OPA1: variants seen among roughly 807,000 people sequenced by gnomAD.
OPA1 encodes the protein OPA1 mitochondrial dynamin like GTPase.
Under a neutral mutation model 152.9 loss-of-function variants are expected in OPA1, and 59 were observed. That is an observed-to-expected ratio of 0.39 (90% CI 0.31 to 0.48). The LOEUF is 0.48. Among genes scored for constraint, OPA1 ranks in the 20% least tolerant of loss-of-function variants. The pLI is 0.96. For synonymous variants in OPA1, 400 were observed against 389.9 expected (o/e 1.03, Z -0.31); for missense variants, 1,008 against 1,216.8 (o/e 0.83, Z 2.55).
At chr3:193,654,798 T>G in intron 21 of OPA1, 64 bp from the exon 22 acceptor site, 1 of 1,514,108 alleles carries the variant, frequency 6.6e-7, no homozygotes, top group Non-Finnish European at 9.1e-7. Flanking sequence ...GATACTTCAG[T>G]CAAGCTGTTT....
intron 21 of OPA1, among the ~76,000 whole-genome samples, chr3:193,651,838 G>A (rs1238213660): frequency 6.6e-6 from 1 of 151,802 alleles, no homozygotes; most frequent in Non-Finnish European, 1.5e-5. Flanking sequence ...GAGGAACTAT[G>A]GGGTACTTCT....
chr3:193,617,677 CA>C (rs1729275760), intron 4 of OPA1, 106 bp from the exon 5 acceptor site: 2 of 822,266 alleles, frequency 2.4e-6, no homozygotes, highest in African/African-American at 1.7e-5. Context: ...CATATTTGCC[CA>C]ATTATTGCCC....
At position 193,642,808 on chromosome 3, in the gene OPA1, A is replaced by C. The variant is rs756981921; in HGVS notation, c.1193A>C (p.Asp398Ala). 27 of 1,613,678 alleles carry C rather than the reference A, an allele frequency of 1.7e-5. No individual in the cohort carries two copies. The highest frequency in any genetic ancestry group is 3.3e-4 in the Middle Eastern group (2 of 6,082). ...CCTCACCATGTGGCCCTATTTAAAG[A>C]TAGTTCTCGGGAGTTTGATCTTACC... is the stretch of plus-strand genomic sequence containing the variant. ...EGPHHVALFK[D>A]SSREFDLTKE... The change falls in exon 12 of 31, where the codon GAT becomes GCT. Residue 398 changes from aspartate (D) to alanine (A), a missense_variant. Coordinates refer to ENST00000361510, the MANE Select transcript of OPA1 (RefSeq NM_130837.3).
intron 29 of OPA1, among the ~76,000 whole-genome samples, chr3:193,674,319 G>T (rs1159503001): frequency 1.3e-5 from 2 of 152,178 alleles, no homozygotes; most frequent in African/African-American, 4.8e-5. Flanking sequence ...GGCTATAGAT[G>T]AAAGTTTCTT....
At position 193,667,303 on chromosome 3, in the gene OPA1, T is replaced by C. The variant is rs77034068; in HGVS notation, c.2983+23T>C. On this transcript the variant is annotated intron_variant, in intron 29 of 30. Coordinates refer to ENST00000361510, the MANE Select transcript of OPA1 (RefSeq NM_130837.3). Reference sequence around the variant, plus strand: ...TCAGTGAGTAGTTCTTACTGCCCTCTACCTTACTACCTTTCCACCTTTCCC... The same window carrying C: ...TCAGTGAGTAGTTCTTACTGCCCTCCACCTTACTACCTTTCCACCTTTCCC... The C allele has an allele frequency of 7.8e-3, 7,550 of 964,962 alleles. 382 individuals are homozygous for C. In the African/African-American group the frequency reaches 0.11, roughly 14 times the overall value. 59.8% of individuals were successfully genotyped at this position (964,962 alleles called of 1,614,324 possible).
intron 30 of OPA1, among the ~76,000 whole-genome samples, chr3:193,693,122 G>C (rs186267525): frequency 3.9e-5 from 6 of 152,084 alleles, no homozygotes; most frequent in Admixed American, 2.0e-4. Flanking sequence ...AATGTAAAAG[G>C]TTCCCTCCCT....
rs904201580 is a variant in OPA1 at position 193,658,200 on chromosome 3, G to A, written c.2332-687G>A. On this transcript the variant is annotated intron_variant, in intron 23 of 30. Coordinates refer to ENST00000361510, the MANE Select transcript of OPA1 (RefSeq NM_130837.3). ...GGGGAGGTTGCGGTTAGCCGAGATC[G>A]TGCCATTGCACTCCAGCCAAGGCAA... 7.3e-5 allele frequency among the ~76,000 whole-genome samples: 11 copies of A among 149,942 alleles called. No homozygotes were observed. The South Asian group carries it at 8.4e-4, about 11-fold the overall frequency.
At position 193,644,119 on chromosome 3, in the gene OPA1, C is replaced by G; in HGVS notation, c.1608+14C>G. On this transcript the variant is annotated intron_variant, in intron 16 of 30. Transcript: ENST00000361510. ...AGTCCAAGCAGGGTGAGGTCAAATT[C>G]TTTGTTGCGAGAATAGATTCTTTGT... is the stretch of plus-strand genomic sequence containing the variant. 6.2e-7 allele frequency: 1 copy of G among 1,612,916 alleles called. No individual in the cohort carries two copies. Among genetic ancestry groups the G allele is most frequent in the Non-Finnish European group, 8.5e-7 (1 of 1,179,316 alleles).
At chr3:193,611,416 G>A (rs1728217850) in intron 1 of OPA1, among the ~76,000 whole-genome samples, 1 of 151,982 alleles carries the variant, frequency 6.6e-6, no homozygotes, top group Admixed American at 6.6e-5. Flanking sequence ...GGCTAAGATG[G>A]TGAAATCCCA....
chr3:193,595,869 T>C (rs963727111), intron 1 of OPA1, among the ~76,000 whole-genome samples: 1 of 152,208 alleles, frequency 6.6e-6, no homozygotes, highest in African/African-American at 2.4e-5. Flanking sequence ...TGATATGTTA[T>C]GTCCGTGATT....
At chr3:193,686,298 T>C (rs898685235) in intron 29 of OPA1, among the ~76,000 whole-genome samples, 12 of 152,226 alleles carry the variant, frequency 7.9e-5, no homozygotes, top group African/African-American at 2.9e-4. Flanking sequence ...TCTGGGAACC[T>C]CAGCTTTCAA....
At chr3:193,636,237 A>G (rs1406494711) in intron 9 of OPA1, among the ~76,000 whole-genome samples, 2 of 151,894 alleles carry the variant, frequency 1.3e-5, no homozygotes, top group Non-Finnish European at 2.9e-5. Context: ...AGCTTTGACT[A>G]TAAATCATGA....
Position 193,652,426 on chromosome 3 carries a change from A to T in OPA1, c.2013-2436A>T, listed in dbSNP as rs535713619. Among the ~76,000 whole-genome samples the T allele has an allele frequency of 3.8e-4, 58 of 151,986 alleles. 1 individual carries two copies. The highest frequency in any genetic ancestry group is 1.8e-3 in the Admixed American group (28 of 15,270). On this transcript the variant is annotated intron_variant, in intron 21 of 30. Transcript: ENST00000361510. Reference sequence around the variant, plus strand: ...AAAAAACCATAGAATATAGGCTGGGAAAATTGTTAGATGATAGCAGCAAGC... The same window carrying T: ...AAAAAACCATAGAATATAGGCTGGGTAAATTGTTAGATGATAGCAGCAAGC...
At chr3:193,622,845 C>A (rs906469535) in intron 6 of OPA1, among the ~76,000 whole-genome samples, 1 of 152,138 alleles carries the variant, frequency 6.6e-6, no homozygotes. Flanking sequence ...AGAGTAGAGG[C>A]TGATTAAAGT....
intron 29 of OPA1, among the ~76,000 whole-genome samples, chr3:193,691,232 ATAAAG>A (rs762958921): frequency 2.0e-5 from 3 of 152,218 alleles, no homozygotes; most frequent in Non-Finnish European, 4.4e-5. Flanking sequence ...AGAATATAAA[ATAAAG>A]TAGGAGGTGC....
intron 9 of OPA1, among the ~76,000 whole-genome samples, chr3:193,636,666 A>G (rs1290688201): frequency 6.6e-6 from 1 of 152,120 alleles, no homozygotes; most frequent in African/African-American, 2.4e-5. Flanking sequence ...TGCCCTTGCT[A>G]CACTCATATT....
intron 26 of OPA1, 70 bp downstream of exon 26, chr3:193,663,032 A>C (rs185561860): frequency 6.7e-7 from 1 of 1,491,276 alleles, no homozygotes; most frequent in Non-Finnish European, 9.3e-7. Flanking sequence ...ATGTTACTAC[A>C]TGTGTTAGTT....
chr3:193,677,394 A>G (rs1719355038), intron 29 of OPA1, among the ~76,000 whole-genome samples: 1 of 151,102 alleles, frequency 6.6e-6, no homozygotes, highest in African/African-American at 2.4e-5. Flanking sequence ...CCTGGGCTCA[A>G]GTGATCTAAT....
Position 193,659,536 on chromosome 3 carries a change from A to C in OPA1, c.2495A>C (p.Tyr832Ser). ...CCAGACTGGAAAAAGAGGTGGTTATACTGGAAGAATCGGACCCAAGAACAG... is the reference window on the plus strand; with the variant it reads ...CCAGACTGGAAAAAGAGGTGGTTATCCTGGAAGAATCGGACCCAAGAACAG... ...VGPDWKKRWL[Y>S]WKNRTQEQCV... Residue 832 changes from tyrosine to serine, a missense_variant, in exon 25 of 31, where the codon TAC (tyrosine) becomes TCC (serine). By Grantham distance (144) the Tyr-to-Ser change is moderately radical (BLOSUM62 -2). Transcript: ENST00000361510. The C allele has an allele frequency of 6.2e-7, 1 of 1,612,364 alleles. No individual in the cohort carries two copies. The highest frequency in any genetic ancestry group is 8.5e-7 in the Non-Finnish European group (1 of 1,178,990).
Sources: gnomAD v4.1 joint callset for allele counts (sites outside exome capture counted in the v4.1 genomes callset) on GRCh38, gnomAD v4.1.1 for gene constraint, MANE v1.5 for transcripts, NCBI Gene and HGNC (gene_info 2026-07-23, HGNC 2026-07-21) for gene names.